EML4: variants seen among roughly 807,000 people sequenced by gnomAD.
EML4 encodes the protein echinoderm microtubule-associated protein-like 4.
In EML4, 72 loss-of-function variants were observed where a neutral mutation model predicts 129.0. That is an observed-to-expected ratio of 0.56 (90% CI 0.46 to 0.68). The LOEUF (loss-of-function observed/expected upper bound fraction) is 0.68. EML4 is among the 30% of genes least tolerant of loss of function. The pLI, the probability that EML4 is intolerant of heterozygous loss-of-function variation, is 0.00. For synonymous variants in EML4, 532 were observed against 405.0 expected (o/e 1.31, Z -3.77); for missense variants, 1,363 against 1,190.6 (o/e 1.14, Z -2.13).
rs148743660 is a variant in EML4, at chr2:42,200,058, C to T, written c.25+30422C>T. 8.4e-3 allele frequency among the ~76,000 whole-genome samples: 1,266 copies of T among 151,598 alleles called. 6 individuals are homozygous for T. The highest frequency in any genetic ancestry group is 0.014 in the Non-Finnish European group (944 of 67,896). Reference sequence around the variant, plus strand: ...GGCGCGGTGGCTGACGCTTGTAATCCCAGCACTTTGGGAGGCCAAGGCGGG... The same window carrying T: ...GGCGCGGTGGCTGACGCTTGTAATCTCAGCACTTTGGGAGGCCAAGGCGGG... On this transcript the variant is annotated intron_variant, in intron 1 of 22. Coordinates refer to ENST00000318522, the MANE Select transcript of EML4 (RefSeq NM_019063.5).
intron 1 of EML4, among the ~76,000 whole-genome samples, chr2:42,183,343 A>G (rs1454001979): frequency 6.6e-6 from 1 of 152,214 alleles, no homozygotes; most frequent in Non-Finnish European, 1.5e-5. Flanking sequence ...ATTCACTGTT[A>G]GGAGGTCAGT....
intron 1 of EML4, among the ~76,000 whole-genome samples, chr2:42,233,528 C>T (rs1036505060): frequency 3.3e-5 from 5 of 151,590 alleles, no homozygotes; most frequent in African/African-American, 4.8e-5. Flanking sequence ...AGGGTGGTCT[C>T]AATCTCCTGA....
intron 1 of EML4, among the ~76,000 whole-genome samples, chr2:42,202,792 C>A (rs1418651198): frequency 6.6e-6 from 1 of 152,130 alleles, no homozygotes; most frequent in African/African-American, 2.4e-5. Flanking sequence ...TTGGCAACAC[C>A]CTTCAATCCA....
intron 17 of EML4, among the ~76,000 whole-genome samples, chr2:42,309,327 T>G (rs1180377339): frequency 6.6e-6 from 1 of 150,852 alleles, no homozygotes; most frequent in African/African-American, 2.4e-5. Flanking sequence ...GAGGATAATT[T>G]GAATCTGGGA....
chr2:42,279,235 G>A (rs935564691), intron 6 of EML4, among the ~76,000 whole-genome samples: 2 of 152,132 alleles, frequency 1.3e-5, no homozygotes, highest in African/African-American at 4.8e-5. Flanking sequence ...TGGCTATTGT[G>A]AATAGTGCTG....
At chr2:42,210,269 G>C (rs1672814014) in intron 1 of EML4, among the ~76,000 whole-genome samples, 1 of 152,098 alleles carries the variant, frequency 6.6e-6, no homozygotes, top group African/African-American at 2.4e-5. Flanking sequence ...ACAGTTTTAA[G>C]AGCAGTACTG....
chr2:42,205,129 G>A (rs1363327077), intron 1 of EML4, among the ~76,000 whole-genome samples: 1 of 152,174 alleles, frequency 6.6e-6, no homozygotes, highest in Non-Finnish European at 1.5e-5. Context: ...GAAATAAAAT[G>A]AAGGGTTCTC....
chr2:42,251,627 C>T (rs908995633), intron 2 of EML4, among the ~76,000 whole-genome samples: 6 of 152,050 alleles, frequency 3.9e-5, no homozygotes, highest in Admixed American at 3.3e-4. Context: ...AGTAATCAGC[C>T]AATTGAGAAA....
At chr2:42,203,632 A>G (rs1317459875) in intron 1 of EML4, among the ~76,000 whole-genome samples, 5 of 124,566 alleles carry the variant, frequency 4.0e-5, no homozygotes, top group South Asian at 2.6e-4. Flanking sequence ...CAGACTTTAT[A>G]GCCACCCCTT....
intron 17 of EML4, among the ~76,000 whole-genome samples, chr2:42,309,034 C>T (rs896068322): frequency 6.6e-6 from 1 of 152,166 alleles, no homozygotes; most frequent in African/African-American, 2.4e-5. Context: ...TACATTCATA[C>T]ATGAGCTTTA....
In EML4 at chr2:42,291,667, A is replaced by G. The variant is rs373530778; in HGVS notation, c.1218+3345A>G. On this transcript the variant is annotated intron_variant, in intron 11 of 22. Coordinates refer to ENST00000318522, the MANE Select transcript of EML4 (RefSeq NM_019063.5). ...GTGATCCTCCCATCTCAGCCTCCCAAAGTGCTGGGATTACAGGTGTGAGCC... is the reference window on the plus strand; with the variant it reads ...GTGATCCTCCCATCTCAGCCTCCCAGAGTGCTGGGATTACAGGTGTGAGCC... Among the ~76,000 whole-genome samples the G allele has an allele frequency of 1.1e-4, 16 of 152,086 alleles. No homozygotes were observed. The East Asian group carries it at 2.3e-3, about 22-fold the overall frequency.
intron 1 of EML4, among the ~76,000 whole-genome samples, chr2:42,210,282 A>G (rs1672815378): frequency 6.6e-6 from 1 of 152,092 alleles, no homozygotes; most frequent in Admixed American, 6.5e-5. Context: ...CAGTACTGGT[A>G]TATTGTAGCA....
intron 13 of EML4, among the ~76,000 whole-genome samples, chr2:42,296,477 TTCTC>T (rs10689031): frequency 1.3e-5 from 2 of 148,894 alleles, no homozygotes; most frequent in Non-Finnish European, 3.0e-5. Context: ...CACCTTATAC[TTCTC>T]TCTCTCTCTC....
At chr2:42,306,704 G>C (rs866125531) in intron 17 of EML4, among the ~76,000 whole-genome samples, 1 of 149,946 alleles carries the variant, frequency 6.7e-6, no homozygotes, top group Non-Finnish European at 1.5e-5. Context: ...GAGTTTCACC[G>C]TGTTAGCCAG....
chr2:42,191,782 G>T (rs900604126), intron 1 of EML4, among the ~76,000 whole-genome samples: 4 of 151,956 alleles, frequency 2.6e-5, no homozygotes, highest in Non-Finnish European at 5.9e-5. Flanking sequence ...TAGTTTTGCC[G>T]GGCGTGGTGG....
chr2:42,286,478 T>C, intron 10 of EML4, 99 bp downstream of exon 10: 1 of 730,494 alleles, frequency 1.4e-6, no homozygotes, highest in Non-Finnish European at 2.4e-6. Flanking sequence ...GTGATAATCC[T>C]GAGTTGAAAA....
chr2:42,304,480 C>CTA lies in EML4; in HGVS notation c.1900-3_1900-2dup, dbSNP rs768136364. On this transcript the variant is annotated splice_region_variant and splice_polypyrimidine_tract_variant and intron_variant, in intron 16 of 22. Transcript: ENST00000318522. ...TCCCCAACAGCTGTCTGTCTCTTTT[C>CTA]TAGGAACCAGGACACTGTGCAGATT... The CTA allele has an allele frequency of 1.1e-5, 18 of 1,613,680 alleles. No homozygotes were observed. Among genetic ancestry groups the CTA allele is most frequent in the Non-Finnish European group, 1.4e-5 (17 of 1,179,728 alleles).
At chr2:42,327,153 C>G (rs1272891984) in intron 21 of EML4, among the ~76,000 whole-genome samples, 1 of 152,172 alleles carries the variant, frequency 6.6e-6, no homozygotes, top group African/African-American at 2.4e-5. Flanking sequence ...CAAGGTTTAT[C>G]CACGTTGTAG....
At chr2:42,285,905 A>G (rs768228275) in intron 9 of EML4, 4 of 230,198 alleles carry the variant, frequency 1.7e-5, no homozygotes, top group Non-Finnish European at 3.5e-5. Flanking sequence ...GGCCGACTCA[A>G]CCTTTTAATA....
Sources: allele counts gnomAD v4.1 joint callset (sites outside exome capture counted in the v4.1 genomes callset), GRCh38; gene constraint gnomAD v4.1.1; transcripts MANE v1.5; gene names NCBI Gene and HGNC (gene_info 2026-07-23, HGNC 2026-07-21).